The following CEP57L1 variants were observed in gnomAD, a reference collection of about 807,000 sequenced individuals.
CEP57L1 encodes centrosomal protein 57 like 1.
A neutral mutation model predicts 61.0 loss-of-function variants in CEP57L1; 37 were observed. That is an observed-to-expected ratio of 0.61 (90% CI 0.47 to 0.80). CEP57L1 has a LOEUF of 0.80. CEP57L1 is among the 30% of genes least tolerant of loss of function. The probability of loss-of-function intolerance (pLI) is 0.00; values close to 1 mark genes in which losing one functional copy is unlikely to be tolerated. For synonymous variants in CEP57L1, 137 were observed against 162.3 expected (o/e 0.84, Z 1.19); for missense variants, 422 against 524.7 (o/e 0.80, Z 1.91).
rs59562316 is a variant in CEP57L1 at position 109,152,636 on chromosome 6, CGTGTGTGTGTGTGTGTGT to C, written c.463-1170_463-1153del. Among the ~76,000 whole-genome samples the C allele has an allele frequency of 1.9e-3, 270 of 145,202 alleles. 3 individuals are homozygous for C. Among genetic ancestry groups the C allele is most frequent in the African/African-American group, 5.8e-3 (230 of 39,634 alleles). ...ACAAAATAGCATATAGATGTGCGTG[CGTGTGTGTGTGTGTGTGT>C]GTGTGTGTGTGTGTGTGTGTGTGTG... is the stretch of plus-strand genomic sequence containing the variant. On this transcript the variant is annotated intron_variant, in intron 4 of 10. Transcript: ENST00000517392.
chr6:109,118,979 T>C (rs772460993), intron 1 of CEP57L1, among the ~76,000 whole-genome samples: 5 of 152,128 alleles, frequency 3.3e-5, no homozygotes, highest in Non-Finnish European at 7.4e-5. Flanking sequence ...ATATTAAACA[T>C]ATAGGTATGC....
At position 109,169,095 on chromosome 6, in the gene CEP57L1, A is replaced by G. The variant is rs1022030439; in HGVS notation, c.*6125A>G. On this transcript the variant is annotated 3_prime_UTR_variant, in exon 11 of 11. Transcript: ENST00000517392. ...ACAAAAATTAGCCGGGCATGGTGGT[A>G]TGTGCCTGTAATCCCGGGTACTCGG... Among the ~76,000 whole-genome samples the G allele has an allele frequency of 1.3e-5, 2 of 151,558 alleles. No individual in the cohort carries two copies. The highest frequency in any genetic ancestry group is 2.9e-5 in the Non-Finnish European group (2 of 67,878).
At chr6:109,102,202 G>A (rs191432561) in intron 1 of CEP57L1, among the ~76,000 whole-genome samples, 12 of 152,200 alleles carry the variant, frequency 7.9e-5, no homozygotes, top group Non-Finnish European at 2.9e-5. Context: ...ACTGTTGAGT[G>A]TTTTTGTTTT....
rs1436477592 is a variant in CEP57L1, at chr6:109,147,081, A to G, written c.340+144A>G. The G allele has an allele frequency of 5.2e-6, 3 of 572,124 alleles. No individual in the cohort carries two copies. In the Admixed American group the frequency reaches 1.3e-4, roughly 24 times the overall value. 35.4% of individuals were successfully genotyped at this position (572,124 alleles called of 1,614,324 possible). On this transcript the variant is annotated intron_variant, in intron 3 of 10. Transcript: ENST00000517392. ...CATGACTTTGTTCTCAGACCTTTTG[A>G]TATTTGTGAGAAAAAGATACAGTTT... is the stretch of plus-strand genomic sequence containing the variant.
chr6:109,163,632 T>G lies in CEP57L1; in HGVS notation c.*662T>G, dbSNP rs1450339362. The G allele has an allele frequency of 6.6e-6, 1 of 152,180 alleles. No homozygotes were observed. Among genetic ancestry groups the G allele is most frequent in the Non-Finnish European group, 1.5e-5 (1 of 68,020 alleles). 9.4% of individuals were successfully genotyped at this position (152,180 alleles called of 1,614,324 possible). The stretch of plus-strand genomic sequence containing the variant: ...AAAAAATCAATGATCAATTTTATCT[T>G]ACTACTTTATAACTTTTGCTGACTT... On this transcript the variant is annotated 3_prime_UTR_variant, in exon 11 of 11. Coordinates refer to ENST00000517392, the MANE Select transcript of CEP57L1 (RefSeq NM_001271852.3).
rs1774295680 is a variant in CEP57L1 at position 109,169,262 on chromosome 6, A to G, written c.*6292A>G. On this transcript the variant is annotated 3_prime_UTR_variant, in exon 11 of 11. Transcript: ENST00000517392. ...AAAAAAAAAAAGATCAGAGTGCATC[A>G]CACATAATTAAGGTAGCTTATGTTT... Among the ~76,000 whole-genome samples the G allele has an allele frequency of 6.6e-6, 1 of 151,042 alleles. No individual in the cohort carries two copies. Among genetic ancestry groups the G allele is most frequent in the African/African-American group, 2.4e-5 (1 of 41,146 alleles).
At chr6:109,110,112 C>T (rs1203632856) in intron 1 of CEP57L1, among the ~76,000 whole-genome samples, 1 of 152,170 alleles carries the variant, frequency 6.6e-6, no homozygotes, top group Non-Finnish European at 1.5e-5. Flanking sequence ...GAGGAATCGC[C>T]ACACTGTCTT....
chr6:109,136,912 C>T (rs934983081), intron 1 of CEP57L1, among the ~76,000 whole-genome samples: 10 of 152,052 alleles, frequency 6.6e-5, no homozygotes, highest in Middle Eastern at 3.4e-3. Context: ...TGCGCCACTG[C>T]GCCCTACAAT....
chr6:109,155,203 A>G lies in CEP57L1; in HGVS notation c.580-27A>G, dbSNP rs1010503210. On this transcript the variant is annotated intron_variant, in intron 5 of 10. Transcript: ENST00000517392. ...GATATTTGGCTCTAGTTTTTATGTA[A>G]CAATCTTAGTTTTTACTCTTTTGCA... is the stretch of plus-strand genomic sequence containing the variant. The G allele has an allele frequency of 2.2e-6, 3 of 1,391,162 alleles. No homozygotes were observed. The African/African-American group carries it at 4.4e-5, about 20-fold the overall frequency. 86.2% of individuals were successfully genotyped at this position (1,391,162 alleles called of 1,614,324 possible).
intron 1 of CEP57L1, among the ~76,000 whole-genome samples, chr6:109,113,286 C>G (rs748019520): frequency 6.6e-6 from 1 of 152,082 alleles, no homozygotes; most frequent in Non-Finnish European, 1.5e-5. Context: ...CCCCTCTTCC[C>G]CTAACTTTTC....
intron 8 of CEP57L1, 56 bp from the exon 9 acceptor site, chr6:109,159,213 A>T: frequency 1.2e-6 from 2 of 1,613,892 alleles, no homozygotes; most frequent in Non-Finnish European, 1.7e-6. Flanking sequence ...TTCTTTTCCC[A>T]TAAGTCTACC....
At chr6:109,148,568 G>A (rs1250019737) in intron 3 of CEP57L1, among the ~76,000 whole-genome samples, 14 of 152,064 alleles carry the variant, frequency 9.2e-5, no homozygotes, top group Admixed American at 5.9e-4. Flanking sequence ...GAATAGTGCC[G>A]CAATAAACAT....
chr6:109,097,091 G>A (rs1781794720), intron 1 of CEP57L1, among the ~76,000 whole-genome samples: 1 of 152,116 alleles, frequency 6.6e-6, no homozygotes, highest in African/African-American at 2.4e-5. Context: ...TTCAGCAAAG[G>A]ACACTACTAT....
At chr6:109,139,413 C>T (rs944659610) in intron 1 of CEP57L1, among the ~76,000 whole-genome samples, 2 of 152,154 alleles carry the variant, frequency 1.3e-5, no homozygotes, top group South Asian at 4.1e-4. Flanking sequence ...AACAATTGTG[C>T]CTCGGCCACC....
In CEP57L1 at chr6:109,170,291, C is replaced by T. The variant is rs1034019360; in HGVS notation, c.*7321C>T. ...CAGAGGATTGTAAAGTGAGCCAGAC[C>T]TTCCAATCAGCTAAAATAATGTAAA... is the stretch of plus-strand genomic sequence containing the variant. On this transcript the variant is annotated 3_prime_UTR_variant, in exon 11 of 11. Transcript: ENST00000517392. Among the ~76,000 whole-genome samples the T allele has an allele frequency of 6.6e-6, 1 of 152,124 alleles. No individual in the cohort carries two copies. The highest frequency in any genetic ancestry group is 1.5e-5 in the Non-Finnish European group (1 of 67,998).
At chr6:109,133,517 A>G (rs1225884301) in intron 1 of CEP57L1, among the ~76,000 whole-genome samples, 1 of 151,752 alleles carries the variant, frequency 6.6e-6, no homozygotes, top group Non-Finnish European at 1.5e-5. Context: ...GGGGTTGGGG[A>G]CCCCTGTGTT....
chr6:109,116,264 A>G (rs1366956673), intron 1 of CEP57L1, among the ~76,000 whole-genome samples: 1 of 151,370 alleles, frequency 6.6e-6, no homozygotes, highest in Non-Finnish European at 1.5e-5. Context: ...TGCAACCTCC[A>G]CCTCCCAGGT....
At position 109,145,288 on chromosome 6, in the gene CEP57L1, C is replaced by T. The variant is rs1453619935; in HGVS notation, c.67C>T (p.Pro23Ser). ...YHKPPERVFV[P>S]SFTQNEPSQN... ...TAAACCTCCAGAAAGAGTATTTGTT[C>T]CCTCATTCACCCAGAATGAACCATC... Residue 23 changes from proline to serine, a missense_variant, in exon 2 of 11, where the codon CCC (proline) becomes TCC (serine). Coordinates refer to ENST00000517392, the MANE Select transcript of CEP57L1 (RefSeq NM_001271852.3). 1 of 1,605,914 alleles carries T rather than the reference C, an allele frequency of 6.2e-7. No individual in the cohort carries two copies. The highest frequency in any genetic ancestry group is 1.1e-5 in the South Asian group (1 of 90,610).
intron 1 of CEP57L1, among the ~76,000 whole-genome samples, chr6:109,098,703 T>C (rs1782012045): frequency 6.6e-6 from 1 of 152,088 alleles, no homozygotes; most frequent in Non-Finnish European, 1.5e-5. Flanking sequence ...CAGGCTGGTC[T>C]TGAACTCCTC....
Sources: gnomAD v4.1 joint callset for allele counts (sites outside exome capture counted in the v4.1 genomes callset) on GRCh38, gnomAD v4.1.1 for gene constraint, MANE v1.5 for transcripts, NCBI Gene and HGNC (gene_info 2026-07-23, HGNC 2026-07-21) for gene names.